Variants in SGCD observed in about 807,000 individuals in gnomAD.
SGCD encodes delta-sarcoglycan.
A neutral mutation model predicts 36.6 loss-of-function variants in SGCD; 18 were observed. The observed-to-expected ratio is 0.49, with a 90% CI of 0.34 to 0.73. SGCD has a LOEUF of 0.73. Ranked by LOEUF, SGCD falls within the 30% of genes least tolerant of loss-of-function variation. SGCD has a pLI of 0.01. For missense variants in SGCD, 387 were observed against 346.7 expected, an observed-to-expected ratio of 1.12 and a Z score of -0.92; for synonymous variants, 133 against 130.6, an observed-to-expected ratio of 1.02 and a Z score of -0.12.
chr5:156,339,209 A>G (rs1768516570), intron 2 of SGCD, among the ~76,000 whole-genome samples: 1 of 152,232 alleles, frequency 6.6e-6, no homozygotes, highest in South Asian at 2.1e-4. Flanking sequence ...TGGCAAAACA[A>G]CAGAAAGTTT....
At chr5:156,011,658 T>C (rs930686855) in intron 1 of SGCD, among the ~76,000 whole-genome samples, 3 of 152,198 alleles carry the variant, frequency 2.0e-5, no homozygotes, top group Non-Finnish European at 4.4e-5. Flanking sequence ...CAGGGTGGTC[T>C]GGAACTCCTG....
intron 3 of SGCD, among the ~76,000 whole-genome samples, chr5:156,420,246 A>G (rs1344713760): frequency 6.6e-6 from 1 of 152,128 alleles, no homozygotes. Flanking sequence ...TTCTGGTTTG[A>G]ATGGAGTCAG....
At chr5:155,728,656 T>C in the SGCD span, among the ~76,000 whole-genome samples, 23 of 152,128 alleles carry the variant, frequency 1.5e-4, no homozygotes, top group East Asian at 2.2e-3. Flanking sequence ...CCCTATTCCG[T>C]TGGCAAGTCC....
chr5:156,038,759 A>G (rs1382144625), intron 1 of SGCD, among the ~76,000 whole-genome samples: 2 of 152,122 alleles, frequency 1.3e-5, no homozygotes, highest in Non-Finnish European at 2.9e-5. Context: ...TTCCTTGGGG[A>G]TCTTTGCACT....
chr5:156,478,014 AATCC>A (rs1219067358), intron 3 of SGCD, among the ~76,000 whole-genome samples: 1 of 151,980 alleles, frequency 6.6e-6, no homozygotes, highest in East Asian at 1.9e-4. Context: ...GGGAATGGGA[AATCC>A]TGGGAGAACA....
At chr5:156,254,195 A>T (rs969259269) in intron 3 of SGCD, among the ~76,000 whole-genome samples, 2 of 152,148 alleles carry the variant, frequency 1.3e-5, no homozygotes, top group African/African-American at 4.8e-5. Flanking sequence ...TGCTTCAAAG[A>T]TTTTACCATT....
intron 7 of SGCD, among the ~76,000 whole-genome samples, chr5:156,732,519 TTTGCATCAATG>T (rs1309622167): frequency 6.6e-6 from 1 of 152,206 alleles, no homozygotes; most frequent in African/African-American, 2.4e-5. Flanking sequence ...ATTGAGGATT[TTTGCATCAATG>T]TTCATCAAAG....
At chr5:156,035,505 G>C (rs1251484623) in intron 1 of SGCD, among the ~76,000 whole-genome samples, 1 of 152,128 alleles carries the variant, frequency 6.6e-6, no homozygotes, top group African/African-American at 2.4e-5. Flanking sequence ...AGTTACTCAG[G>C]AGGCTAAGGT....
the SGCD span, among the ~76,000 whole-genome samples, chr5:155,787,363 G>C: frequency 1.3e-5 from 2 of 152,116 alleles, no homozygotes; most frequent in African/African-American, 4.8e-5. Flanking sequence ...TGAAATAAAA[G>C]TAAGCCAATA....
intron 1 of SGCD, among the ~76,000 whole-genome samples, chr5:155,967,750 G>T (rs951383828): frequency 5.3e-5 from 8 of 152,008 alleles, no homozygotes; most frequent in Admixed American, 2.0e-4. Flanking sequence ...AGAGTGAATG[G>T]ACGATTTGCT....
chr5:156,193,810 C>T (rs537886575), intron 3 of SGCD, among the ~76,000 whole-genome samples: 2 of 152,250 alleles, frequency 1.3e-5, no homozygotes, highest in African/African-American at 4.8e-5. Flanking sequence ...TATGCATGTG[C>T]GTAGATTTTC....
Position 155,879,932 on chromosome 5 carries a change from A to T in SGCD, c.-282+9508A>T, listed in dbSNP as rs114122890. 7.6e-4 allele frequency among the ~76,000 whole-genome samples: 115 copies of T among 152,246 alleles called. 1 individual carries two copies. The highest frequency in any genetic ancestry group is 2.6e-3 in the African/African-American group (110 of 41,552). ...TATGTTGTCCTTTATAGTAAGAAAG[A>T]CAAAAAGATTTTATTGTTATTTTTT... On this transcript the variant is annotated intron_variant, in intron 1 of 9. Coordinates refer to the SGCD transcript ENST00000517913.
intron 1 of SGCD, among the ~76,000 whole-genome samples, chr5:155,879,352 A>G (rs1580967333): frequency 6.6e-6 from 1 of 152,146 alleles, no homozygotes; most frequent in Admixed American, 6.5e-5. Context: ...CCAGATCTTC[A>G]TGCTTCCCAT....
chr5:156,071,414 G>C (rs1177829296), intron 1 of SGCD, among the ~76,000 whole-genome samples: 1 of 152,280 alleles, frequency 6.6e-6, no homozygotes, highest in African/African-American at 2.4e-5. Flanking sequence ...GGAGCAGGTT[G>C]TTCAGTTTCC....
At chr5:156,317,310 C>T (rs568997491) in intron 3 of SGCD, among the ~76,000 whole-genome samples, 5 of 152,156 alleles carry the variant, frequency 3.3e-5, no homozygotes, top group African/African-American at 1.2e-4. Context: ...TTGTTAAGGC[C>T]TTGCACAACC....
chr5:156,395,669 G>T (rs1480625838), intron 3 of SGCD, among the ~76,000 whole-genome samples: 1 of 152,164 alleles, frequency 6.6e-6, no homozygotes, highest in Non-Finnish European at 1.5e-5. Flanking sequence ...TCATGATCCT[G>T]TGAAGAAGGT....
the SGCD span, among the ~76,000 whole-genome samples, chr5:155,791,400 A>T: frequency 6.6e-5 from 10 of 152,198 alleles, no homozygotes; most frequent in African/African-American, 2.4e-4. Context: ...TAGTACTGGA[A>T]GTCCTAGCCT....
intron 1 of SGCD, among the ~76,000 whole-genome samples, chr5:155,962,698 G>A (rs1051553671): frequency 3.3e-5 from 5 of 152,082 alleles, no homozygotes; most frequent in African/African-American, 7.2e-5. Context: ...TTTGAGAGCC[G>A]GTAGAATAGG....
At chr5:156,367,057 A>C (rs1167608067) in intron 3 of SGCD, among the ~76,000 whole-genome samples, 1 of 152,230 alleles carries the variant, frequency 6.6e-6, no homozygotes, top group Non-Finnish European at 1.5e-5. Context: ...GAATAGCCCC[A>C]AAATGAGAGA....
Sources: gnomAD v4.1 joint callset for allele counts (sites outside exome capture counted in the v4.1 genomes callset) on GRCh38, gnomAD v4.1.1 for gene constraint, MANE v1.5 for transcripts, NCBI Gene and HGNC (gene_info 2026-07-23, HGNC 2026-07-21) for gene names.